ADGRG7: variants seen among roughly 807,000 people sequenced by gnomAD.
The protein encoded by ADGRG7 is G-protein coupled receptor 128.
Under a neutral mutation model 88.6 loss-of-function variants are expected in ADGRG7, and 82 were observed. The observed-to-expected ratio is 0.93, with a 90% CI of 0.77 to 1.11. The LOEUF is 1.11. ADGRG7 is among the 50% of genes most tolerant of loss of function. ADGRG7 has a pLI of 0.00. For synonymous variants in ADGRG7, 381 were observed against 345.2 expected (o/e 1.10, Z -1.15); for missense variants, 945 against 953.4 (o/e 0.99, Z 0.12).
At chr3:100,639,010 C>CTGTG (rs56088926) in intron 6 of ADGRG7, among the ~76,000 whole-genome samples, 14 of 147,030 alleles carry the variant, frequency 9.5e-5, no homozygotes, top group African/African-American at 3.3e-4. Context: ...CCCTCTGTTT[C>CTGTG]TGTGTGTGTG....
intron 14 of ADGRG7, among the ~76,000 whole-genome samples, chr3:100,660,565 A>G (rs538341550): frequency 1.3e-4 from 20 of 152,106 alleles, no homozygotes; most frequent in African/African-American, 4.1e-4. Context: ...TTGGCCTCCC[A>G]AAGTGCTGAG....
intron 6 of ADGRG7, chr3:100,637,603 G>A: frequency 1.9e-6 from 1 of 516,444 alleles, no homozygotes; most frequent in South Asian, 2.4e-5. Flanking sequence ...CTGCATCCAG[G>A]GGTGCTGGCC....
intron 1 of ADGRG7, among the ~76,000 whole-genome samples, chr3:100,619,911 A>T (rs1316622403): frequency 3.3e-5 from 5 of 152,354 alleles, no homozygotes; most frequent in Non-Finnish European, 7.3e-5. Context: ...TTGAGGCAAT[A>T]ATCAATAGCT....
At chr3:100,632,580 T>C (rs1707472538) in intron 3 of ADGRG7, among the ~76,000 whole-genome samples, 1 of 152,152 alleles carries the variant, frequency 6.6e-6, no homozygotes, top group South Asian at 2.1e-4. Context: ...GGTGAAGCCA[T>C]CATATAAATT....
chr3:100,657,217 C>G (rs184285136), intron 13 of ADGRG7, among the ~76,000 whole-genome samples: 1 of 152,284 alleles, frequency 6.6e-6, no homozygotes, highest in East Asian at 1.9e-4. Context: ...AAGCATCTGC[C>G]TCCTCCTGAA....
intron 14 of ADGRG7, among the ~76,000 whole-genome samples, chr3:100,668,143 A>C (rs1343393219): frequency 6.6e-6 from 1 of 152,144 alleles, no homozygotes; most frequent in Non-Finnish European, 1.5e-5. Context: ...AGTGAGATGA[A>C]CCTGGTACCT....
intron 15 of ADGRG7, among the ~76,000 whole-genome samples, chr3:100,684,710 G>A (rs1448558466): frequency 1.3e-5 from 2 of 151,254 alleles, no homozygotes; most frequent in Non-Finnish European, 1.5e-5. Flanking sequence ...TATATATTGT[G>A]TTATATAAAT....
chr3:100,652,633 C>T (rs188464862), intron 11 of ADGRG7, among the ~76,000 whole-genome samples: 1 of 152,042 alleles, frequency 6.6e-6, no homozygotes, highest in East Asian at 1.9e-4. Context: ...AAGAATATCA[C>T]ATTTTACTTC....
intron 13 of ADGRG7, among the ~76,000 whole-genome samples, chr3:100,657,363 A>G (rs1025029744): frequency 6.6e-6 from 1 of 152,022 alleles, no homozygotes; most frequent in Non-Finnish European, 1.5e-5. Flanking sequence ...GAGCCTGTGC[A>G]CTCCCCTGTT....
At position 100,674,138 on chromosome 3, in the gene ADGRG7, CT is replaced by C. The variant is rs200239353; in HGVS notation, c.2136+5034del. 7.0e-3 allele frequency among the ~76,000 whole-genome samples: 1,068 copies of C among 152,108 alleles called. 15 individuals carry two copies. The highest frequency in any genetic ancestry group is 0.024 in the African/African-American group (1,014 of 41,510). On this transcript the variant is annotated intron_variant, in intron 15 of 15. Coordinates refer to ENST00000273352, the MANE Select transcript of ADGRG7 (RefSeq NM_032787.3). ...TCTTTATTTCTGCCTGTTTTTATGTCTGCCTGTTTTGTTTCTGTTTTTATGC... is the reference window on the plus strand; with the variant it reads ...TCTTTATTTCTGCCTGTTTTTATGTCGCCTGTTTTGTTTCTGTTTTTATGC...
At chr3:100,618,540 C>T (rs1472703136) in intron 1 of ADGRG7, among the ~76,000 whole-genome samples, 1 of 152,054 alleles carries the variant, frequency 6.6e-6, no homozygotes, top group African/African-American at 2.4e-5. Flanking sequence ...TATGAGGCAT[C>T]ATTTCTGAGG....
chr3:100,662,919 T>G (rs1269415920), intron 14 of ADGRG7, among the ~76,000 whole-genome samples: 2 of 152,040 alleles, frequency 1.3e-5, no homozygotes, highest in Non-Finnish European at 2.9e-5. Context: ...AATGCAAAAT[T>G]TAGTAAGATG....
chr3:100,658,302 C>T (rs1211258601), intron 13 of ADGRG7, among the ~76,000 whole-genome samples: 1 of 152,176 alleles, frequency 6.6e-6, no homozygotes, highest in Admixed American at 6.5e-5. Flanking sequence ...CAATAGACTC[C>T]TAGGTATTAG....
intron 1 of ADGRG7, among the ~76,000 whole-genome samples, chr3:100,618,711 G>C (rs1410721092): frequency 1.3e-5 from 2 of 151,978 alleles, no homozygotes; most frequent in African/African-American, 2.4e-5. Context: ...CTCTTTTTTT[G>C]GTTCCGTATG....
chr3:100,639,196 T>A (rs1145349), intron 6 of ADGRG7, among the ~76,000 whole-genome samples: 12 of 152,092 alleles, frequency 7.9e-5, no homozygotes, highest in African/African-American at 2.9e-4. Flanking sequence ...GCATTATATG[T>A]GTAAACTTTT....
At chr3:100,645,079 A>G (rs369673091) in intron 8 of ADGRG7, among the ~76,000 whole-genome samples, 3 of 152,326 alleles carry the variant, frequency 2.0e-5, no homozygotes, top group African/African-American at 7.2e-5. Flanking sequence ...GTCTCACACC[A>G]CAATGTTTTC....
At chr3:100,632,179 C>T (rs1156319170) in intron 3 of ADGRG7, among the ~76,000 whole-genome samples, 2 of 151,978 alleles carry the variant, frequency 1.3e-5, no homozygotes. Flanking sequence ...AGTAACATAC[C>T]CATGAAGAGT....
intron 1 of ADGRG7, among the ~76,000 whole-genome samples, chr3:100,622,928 G>GTT (rs76254299): frequency 2.2e-4 from 31 of 140,184 alleles, no homozygotes; most frequent in Admixed American, 2.9e-4. Context: ...TTTTGTTTTT[G>GTT]TTTTTTTTTT....
chr3:100,635,845 TAA>T lies in ADGRG7; in HGVS notation c.597+26_597+27del. On this transcript the variant is annotated intron_variant, in intron 5 of 15. Coordinates refer to ENST00000273352, the MANE Select transcript of ADGRG7 (RefSeq NM_032787.3). ...ACCTGAGGTAAAACTCACAGAGCTTTAAAAAAAATTTTTTTTTTATTTTTAGA... is the reference window on the plus strand; with the variant it reads ...ACCTGAGGTAAAACTCACAGAGCTTTAAAAAATTTTTTTTTTATTTTTAGA... The T allele has an allele frequency of 6.6e-7, 1 of 1,523,238 alleles. No individual in the cohort carries two copies. Among genetic ancestry groups the T allele is most frequent in the Non-Finnish European group, 8.9e-7 (1 of 1,118,592 alleles). The allele number at this position is 1,523,238 out of a possible 1,614,324, so 94.4% of individuals were successfully genotyped here.
Sources: allele counts gnomAD v4.1 joint callset (sites outside exome capture counted in the v4.1 genomes callset), GRCh38; gene constraint gnomAD v4.1.1; transcripts MANE v1.5; gene names NCBI Gene and HGNC (gene_info 2026-07-23, HGNC 2026-07-21).